EPHB1: variants seen among roughly 807,000 people sequenced by gnomAD.
EPHB1 encodes the protein EPH receptor B1.
EPHB1 carries 30 observed loss-of-function variants against 94.4 expected under a neutral mutation model. The ratio of observed to expected loss-of-function variants is 0.32; its 90% CI spans 0.24 to 0.43. The LOEUF (loss-of-function observed/expected upper bound fraction) is 0.43. EPHB1 is among the 20% of genes least tolerant of loss of function. The pLI is 1.00. For synonymous variants in EPHB1, 522 were observed against 489.1 expected (o/e 1.07, Z -0.89); for missense variants, 1,055 against 1,308.3 (o/e 0.81, Z 2.99).
intron 8 of EPHB1, 136 bp from the exon 9 acceptor site, chr3:135,166,806 G>A (rs1305700128): frequency 1.0e-4 from 85 of 810,570 alleles, no homozygotes; most frequent in Non-Finnish European, 1.7e-4. Flanking sequence ...GAGGGCTGAA[G>A]TGAGAGTTGC....
At chr3:135,172,015 C>T (rs1941817187) in intron 9 of EPHB1, among the ~76,000 whole-genome samples, 1 of 152,154 alleles carries the variant, frequency 6.6e-6, no homozygotes, top group South Asian at 2.1e-4. Flanking sequence ...GATAAGGGTT[C>T]AGATCAGAAA....
At chr3:135,030,827 C>T (rs997487460) in intron 3 of EPHB1, among the ~76,000 whole-genome samples, 2 of 152,224 alleles carry the variant, frequency 1.3e-5, no homozygotes, top group African/African-American at 4.8e-5. Context: ...CCCAGCCTCG[C>T]TGCCGCCTTG....
chr3:135,025,465 G>T (rs1936131135), intron 3 of EPHB1, among the ~76,000 whole-genome samples: 1 of 85,190 alleles, frequency 1.2e-5, no homozygotes, highest in Non-Finnish European at 2.3e-5. Flanking sequence ...TGCGGTGTTT[G>T]GTTTTTTGTT....
At chr3:134,878,513 T>A (rs752386756) in intron 1 of EPHB1, among the ~76,000 whole-genome samples, 3 of 152,050 alleles carry the variant, frequency 2.0e-5, no homozygotes, top group Non-Finnish European at 4.4e-5. Flanking sequence ...GTTGGATGAG[T>A]CCTCAGTGCT....
intron 3 of EPHB1, among the ~76,000 whole-genome samples, chr3:135,039,422 G>T (rs545440370): frequency 1.3e-5 from 2 of 152,210 alleles, no homozygotes; most frequent in East Asian, 3.9e-4. Context: ...TGCACCGTGC[G>T]CTCGCATTCC....
chr3:135,157,721 G>C (rs1221137961), intron 6 of EPHB1, among the ~76,000 whole-genome samples: 1 of 152,202 alleles, frequency 6.6e-6, no homozygotes, highest in East Asian at 1.9e-4. Flanking sequence ...ACATTGCTTT[G>C]ACTATTCCTA....
intron 3 of EPHB1, among the ~76,000 whole-genome samples, chr3:135,004,210 A>C (rs962671824): frequency 5.3e-5 from 8 of 149,660 alleles, no homozygotes; most frequent in Non-Finnish European, 7.5e-5. Flanking sequence ...TTTCTCCTTC[A>C]CTTATGAAGC....
chr3:134,869,413 G>A (rs1469176349), intron 1 of EPHB1, among the ~76,000 whole-genome samples: 1 of 152,128 alleles, frequency 6.6e-6, no homozygotes, highest in Non-Finnish European at 1.5e-5. Flanking sequence ...TACACCTTCC[G>A]GGGGAATTCA....
chr3:135,139,730 G>A (rs1940753318), intron 5 of EPHB1, among the ~76,000 whole-genome samples: 1 of 152,178 alleles, frequency 6.6e-6, no homozygotes, highest in Non-Finnish European at 1.5e-5. Context: ...CTTCTGTGGT[G>A]CCCATTCTTA....
intron 1 of EPHB1, among the ~76,000 whole-genome samples, chr3:134,820,491 CG>C (rs1404494559): frequency 1.3e-5 from 2 of 152,118 alleles, no homozygotes; most frequent in African/African-American, 2.4e-5. Flanking sequence ...AGAGAAGAAT[CG>C]GGGGGAAGAG....
chr3:134,826,731 G>A (rs915746293), intron 1 of EPHB1, among the ~76,000 whole-genome samples: 2 of 152,216 alleles, frequency 1.3e-5, no homozygotes, highest in South Asian at 4.1e-4. Flanking sequence ...GTACAAAGTA[G>A]TTTGTAGAGC....
intron 3 of EPHB1, among the ~76,000 whole-genome samples, chr3:135,040,643 G>A (rs1204466352): frequency 6.6e-6 from 1 of 152,238 alleles, no homozygotes; most frequent in Non-Finnish European, 1.5e-5. Context: ...AGCTGCTGTT[G>A]AGGATGTTCA....
chr3:135,132,692 G>A (rs2107687077), intron 4 of EPHB1, 22 bp from the exon 5 acceptor site: 1 of 1,552,688 alleles, frequency 6.4e-7, no homozygotes. Flanking sequence ...AGCCTCACTG[G>A]ACCTTCTTTG....
chr3:135,027,426 G>T (rs71334098), intron 3 of EPHB1, among the ~76,000 whole-genome samples: 12 of 144,556 alleles, frequency 8.3e-5, no homozygotes, highest in African/African-American at 3.1e-4. Context: ...TAGCATGAAG[G>T]GTTGTTGAAT....
intron 3 of EPHB1, among the ~76,000 whole-genome samples, chr3:134,972,540 TTATTATATATTATAAATA>T (rs1934019043): frequency 1.0e-5 from 1 of 98,648 alleles, no homozygotes; most frequent in Non-Finnish European, 2.0e-5. Context: ...TAAATATATA[TTATTATATATTATAAATA>T]TATTATATAT....
intron 3 of EPHB1, among the ~76,000 whole-genome samples, chr3:134,962,109 A>G (rs1412160056): frequency 6.6e-6 from 1 of 152,176 alleles, no homozygotes; most frequent in Non-Finnish European, 1.5e-5. Flanking sequence ...GCAGTGTTTG[A>G]GAGTTCCTGT....
intron 2 of EPHB1, among the ~76,000 whole-genome samples, chr3:134,949,907 A>G (rs1439266194): frequency 6.6e-6 from 1 of 152,142 alleles, no homozygotes; most frequent in East Asian, 1.9e-4. Context: ...CCCCTGCCCT[A>G]GAGAGCTCAG....
In EPHB1 at chr3:135,166,045, T is replaced by A. The variant is rs755140016; in HGVS notation, c.1663T>A (p.Ser555Thr). The change falls in exon 8 of 16, where the codon TCC becomes ACC. Residue 555 changes from serine (S) to threonine (T), a missense_variant. Physicochemically the swap from Ser to Thr is moderately conservative, Grantham distance 58 (BLOSUM62 1). Transcript: ENST00000398015. ...SAAAGVVFVVSLVAISIVCSR... is the reference protein window; with the variant it reads ...SAAAGVVFVVTLVAISIVCSR... ...AGCGGCCGGGGTCGTGTTCGTTGTGTCCTTGGTGGCCATCTCTATCGTCTG... is the reference window on the plus strand; with the variant it reads ...AGCGGCCGGGGTCGTGTTCGTTGTGACCTTGGTGGCCATCTCTATCGTCTG... The A allele has an allele frequency of 1.7e-5, 27 of 1,613,756 alleles. No individual in the cohort carries two copies. In the South Asian group the frequency reaches 3.0e-4, roughly 18 times the overall value.
chr3:135,088,217 T>A (rs6439554), intron 3 of EPHB1, among the ~76,000 whole-genome samples: 152,014 of 152,220 alleles, frequency 1, 75,904 homozygotes, highest in Middle Eastern at 1. Context: ...CCCCACCCCC[T>A]TAGATAACTT....
Sources: allele counts gnomAD v4.1 joint callset (sites outside exome capture counted in the v4.1 genomes callset), GRCh38; gene constraint gnomAD v4.1.1; transcripts MANE v1.5; gene names NCBI Gene and HGNC (gene_info 2026-07-23, HGNC 2026-07-21).